NELL2: variants seen among roughly 807,000 people sequenced by gnomAD.
NELL2 encodes the protein protein kinase C-binding protein NELL2.
A neutral mutation model predicts 109.6 loss-of-function variants in NELL2; 41 were observed. The ratio of observed to expected loss-of-function variants is 0.37; its 90% confidence interval spans 0.29 to 0.49. The LOEUF is 0.49. Among genes scored for constraint, NELL2 ranks in the 20% least tolerant of loss-of-function variants. The probability of loss-of-function intolerance (pLI) is 0.98; values close to 1 mark genes in which losing one functional copy is unlikely to be tolerated. For missense variants in NELL2, 900 were observed against 1,008.3 expected (o/e 0.89, Z 1.45); for synonymous variants, 355 against 344.7 (o/e 1.03, Z -0.33).
At chr12:44,819,639 C>T (rs963327368) in intron 2 of NELL2, among the ~76,000 whole-genome samples, 1 of 152,122 alleles carries the variant, frequency 6.6e-6, no homozygotes, top group Non-Finnish European at 1.5e-5. Flanking sequence ...GGACTCCATC[C>T]AGCTTAAACT....
At chr12:44,526,847 TGTG>T (rs1941803980) in intron 16 of NELL2, among the ~76,000 whole-genome samples, 1 of 152,200 alleles carries the variant, frequency 6.6e-6, no homozygotes, top group South Asian at 2.1e-4. Flanking sequence ...TAGTTGGATA[TGTG>T]TGTGGGGGGC....
intron 13 of NELL2, among the ~76,000 whole-genome samples, chr12:44,658,877 CAA>C (rs58696965): frequency 2.9e-5 from 2 of 69,922 alleles, no homozygotes; most frequent in African/African-American, 9.7e-5. Context: ...ACTCTGTCTC[CAA>C]AAAAAAAAAA....
intron 13 of NELL2, among the ~76,000 whole-genome samples, chr12:44,628,247 T>C (rs1461675509): frequency 1.3e-5 from 2 of 152,216 alleles, no homozygotes; most frequent in Non-Finnish European, 2.9e-5. Flanking sequence ...ATGGGTTTTG[T>C]AGTCTCATTT....
intron 2 of NELL2, among the ~76,000 whole-genome samples, chr12:44,818,380 C>T (rs997567466): frequency 1.3e-5 from 2 of 152,190 alleles, no homozygotes; most frequent in African/African-American, 4.8e-5. Flanking sequence ...GGTAGAACTT[C>T]AGCAGCATCC....
chr12:44,686,599 G>C (rs1948724444), intron 12 of NELL2, among the ~76,000 whole-genome samples: 1 of 151,698 alleles, frequency 6.6e-6, no homozygotes, highest in South Asian at 2.1e-4. Flanking sequence ...TTTTGGTGTG[G>C]ATGTCCTTTC....
At chr12:44,573,075 T>G (rs1943933802) in intron 15 of NELL2, among the ~76,000 whole-genome samples, 1 of 152,184 alleles carries the variant, frequency 6.6e-6, no homozygotes, top group African/African-American at 2.4e-5. Context: ...TAATATGGAT[T>G]GAGCTCTCAC....
At chr12:44,658,512 T>C (rs1281939995) in intron 13 of NELL2, among the ~76,000 whole-genome samples, 2 of 152,172 alleles carry the variant, frequency 1.3e-5, no homozygotes, top group East Asian at 1.9e-4. Flanking sequence ...ATGGCCATAC[T>C]GCCCAAAGTA....
At chr12:44,582,578 C>A (rs75277233) in intron 15 of NELL2, among the ~76,000 whole-genome samples, 1 of 151,540 alleles carries the variant, frequency 6.6e-6, no homozygotes, top group Middle Eastern at 3.2e-3. Context: ...TGAGATGAAA[C>A]GTCAGGAAGT....
At chr12:44,644,514 A>G (rs1035587247) in intron 13 of NELL2, among the ~76,000 whole-genome samples, 4 of 149,350 alleles carry the variant, frequency 2.7e-5, no homozygotes, top group African/African-American at 9.8e-5. Flanking sequence ...ATGAAGAGCT[A>G]TTTGACTGTC....
intron 3 of NELL2, among the ~76,000 whole-genome samples, chr12:44,780,445 C>G (rs1449941122): frequency 1.3e-5 from 2 of 151,862 alleles, no homozygotes; most frequent in Non-Finnish European, 2.9e-5. Flanking sequence ...TGGCCCCATC[C>G]CAAACCATGC....
At chr12:44,752,183 A>T (rs114687639) in intron 9 of NELL2, among the ~76,000 whole-genome samples, 12 of 152,228 alleles carry the variant, frequency 7.9e-5, no homozygotes, top group Non-Finnish European at 1.6e-4. Context: ...GATTCAAATT[A>T]TAAAGTTAGC....
At chr12:44,516,300 T>C (rs1026061779) in intron 19 of NELL2, among the ~76,000 whole-genome samples, 2 of 152,144 alleles carry the variant, frequency 1.3e-5, no homozygotes, top group African/African-American at 2.4e-5. Context: ...TTGGCATGTA[T>C]ATAGCTTGTT....
chr12:44,744,358 A>G (rs1940194688), intron 9 of NELL2, among the ~76,000 whole-genome samples: 2 of 152,364 alleles, frequency 1.3e-5, no homozygotes, highest in South Asian at 2.1e-4. Context: ...GGAAAGATCT[A>G]AAATTGACAC....
At chr12:44,742,713 C>A (rs1242069627) in intron 9 of NELL2, among the ~76,000 whole-genome samples, 5 of 151,740 alleles carry the variant, frequency 3.3e-5, no homozygotes, top group African/African-American at 7.3e-5. Context: ...TGATGGAAGA[C>A]AAAATGAATG....
chr12:44,695,763 A>C (rs1949044284), intron 12 of NELL2, among the ~76,000 whole-genome samples: 1 of 152,108 alleles, frequency 6.6e-6, no homozygotes, highest in Non-Finnish European at 1.5e-5. Flanking sequence ...GATCATATAT[A>C]TGACCAGCCT....
At position 44,884,846 on chromosome 12, in the gene NELL2, C is replaced by T. The variant is rs564858749; in HGVS notation, c.39-8946G>A. 3.9e-4 allele frequency among the ~76,000 whole-genome samples: 60 copies of T among 152,124 alleles called. 1 individual carries two copies. The highest frequency in any genetic ancestry group is 1.3e-3 in the African/African-American group (52 of 41,392). ...GATTTGACAAAATTCAACACCTAGTCACATTAAAATAAATAATTCACTGCA... is the reference window on the plus strand; with the variant it reads ...GATTTGACAAAATTCAACACCTAGTTACATTAAAATAAATAATTCACTGCA... On this transcript the variant is annotated intron_variant, in intron 1 of 20. Coordinates refer to the NELL2 transcript ENST00000333837.
intron 13 of NELL2, among the ~76,000 whole-genome samples, chr12:44,648,557 C>T (rs529508070): frequency 6.6e-6 from 1 of 151,966 alleles, no homozygotes; most frequent in East Asian, 1.9e-4. Flanking sequence ...GAAACAACTA[C>T]ACTGCATGTG....
At chr12:44,866,913 A>T (rs1410252888) in intron 2 of NELL2, among the ~76,000 whole-genome samples, 1 of 152,144 alleles carries the variant, frequency 6.6e-6, no homozygotes, top group African/African-American at 2.4e-5. Context: ...ATTCATTCCT[A>T]GACACATACA....
chr12:44,801,945 A>ATT (rs1167967557), intron 3 of NELL2, among the ~76,000 whole-genome samples: 1 of 151,716 alleles, frequency 6.6e-6, no homozygotes, highest in Non-Finnish European at 1.5e-5. Context: ...GGAACTTCTC[A>ATT]TCACTTTGTC....
Sources: gnomAD v4.1 joint callset for allele counts (sites outside exome capture counted in the v4.1 genomes callset) on GRCh38, gnomAD v4.1.1 for gene constraint, MANE v1.5 for transcripts, NCBI Gene and HGNC (gene_info 2026-07-23, HGNC 2026-07-21) for gene names.